CCDC102B: variants seen among roughly 807,000 people sequenced by gnomAD.
CCDC102B encodes coiled-coil domain-containing protein 102B.
CCDC102B carries 75 observed loss-of-function variants against 57.4 expected under a neutral mutation model. The observed-to-expected ratio is 1.31, with a 90% CI of 1.08 to 1.58. The LOEUF (loss-of-function observed/expected upper bound fraction) is 1.58, where lower values mean the gene tolerates loss of function less well. Among genes scored for constraint, CCDC102B ranks in the 40% most tolerant of loss-of-function variants. CCDC102B has a pLI of 0.00. For missense variants in CCDC102B, 636 were observed against 582.6 expected, an observed-to-expected ratio of 1.09 and a Z score of -0.94; for synonymous variants, 206 against 201.9, an observed-to-expected ratio of 1.02 and a Z score of -0.17.
At chr18:68,719,083 T>C (rs1169722373) in intron 2 of CCDC102B, among the ~76,000 whole-genome samples, 1 of 152,188 alleles carries the variant, frequency 6.6e-6, no homozygotes, top group Non-Finnish European at 1.5e-5. Context: ...GTCATTGTTA[T>C]TTGAAAAACA....
chr18:68,788,911 T>C (rs1272847438), intron 2 of CCDC102B, among the ~76,000 whole-genome samples: 1 of 152,210 alleles, frequency 6.6e-6, no homozygotes, highest in Non-Finnish European at 1.5e-5. Context: ...GTTGATGCAG[T>C]TTCTTCCTAC....
chr18:68,746,703 C>T (rs546032549), intron 2 of CCDC102B, among the ~76,000 whole-genome samples: 6 of 151,712 alleles, frequency 4.0e-5, no homozygotes, highest in Admixed American at 6.6e-5. Context: ...TTTCGTCCCA[C>T]GGATTCCATG....
At chr18:68,918,205 A>G (rs12957393) in intron 6 of CCDC102B, among the ~76,000 whole-genome samples, 44,794 of 152,128 alleles carry the variant, frequency 0.29, 7,416 homozygotes, top group Non-Finnish European at 0.37. Flanking sequence ...TCTCAACTTT[A>G]TCAAGGCAAA....
chr18:68,970,770 A>C (rs1164956920), intron 6 of CCDC102B, among the ~76,000 whole-genome samples: 2 of 152,054 alleles, frequency 1.3e-5, no homozygotes, highest in African/African-American at 4.8e-5. Context: ...CTAACCTGAA[A>C]TACTCCAAGA....
chr18:68,790,982 A>T (rs1183707612), intron 2 of CCDC102B, among the ~76,000 whole-genome samples: 1 of 152,248 alleles, frequency 6.6e-6, no homozygotes, highest in Admixed American at 6.5e-5. Flanking sequence ...TGTTGTCAGA[A>T]ATCAAAAGGA....
intron 3 of CCDC102B, among the ~76,000 whole-genome samples, chr18:68,841,012 A>G (rs560460331): frequency 3.9e-5 from 6 of 152,316 alleles, no homozygotes; most frequent in Admixed American, 2.6e-4. Context: ...TTTAAGAAAC[A>G]ATCCCACGGA....
chr18:68,733,216 T>C (rs1334068188), intron 2 of CCDC102B, among the ~76,000 whole-genome samples: 1 of 152,012 alleles, frequency 6.6e-6, no homozygotes, highest in Admixed American at 6.5e-5. Flanking sequence ...TCACACACAC[T>C]CTCTTTGTCG....
At chr18:68,852,936 A>G (rs924209241) in intron 4 of CCDC102B, among the ~76,000 whole-genome samples, 40 of 152,308 alleles carry the variant, frequency 2.6e-4, no homozygotes, top group Middle Eastern at 3.4e-3. Context: ...CTCTAACAGG[A>G]CTATGACAGA....
chr18:69,024,092 A>T (rs2051919563), intron 7 of CCDC102B, among the ~76,000 whole-genome samples: 1 of 152,094 alleles, frequency 6.6e-6, no homozygotes, highest in South Asian at 2.1e-4. Flanking sequence ...AAAAAAAAAT[A>T]ATAATGGGAA....
intron 2 of CCDC102B, among the ~76,000 whole-genome samples, chr18:68,735,226 AT>A (rs5825870): frequency 0.96 from 143,356 of 148,648 alleles, 69,254 homozygotes; most frequent in East Asian, 1. Context: ...TAATTTTTGT[AT>A]TTTTTTTTTT....
chr18:68,990,621 C>A (rs1281640022), intron 6 of CCDC102B, among the ~76,000 whole-genome samples: 2 of 151,930 alleles, frequency 1.3e-5, no homozygotes, highest in African/African-American at 2.4e-5. Flanking sequence ...CTTTTTATTC[C>A]CCATTATATT....
intron 6 of CCDC102B, among the ~76,000 whole-genome samples, chr18:68,917,780 CTA>C (rs1427134165): frequency 6.6e-6 from 1 of 152,070 alleles, no homozygotes; most frequent in Non-Finnish European, 1.5e-5. Flanking sequence ...CCAAGAATCG[CTA>C]TGTTTTGTTC....
intron 4 of CCDC102B, among the ~76,000 whole-genome samples, chr18:68,856,750 A>G (rs548077058): frequency 7.9e-5 from 12 of 152,160 alleles, no homozygotes; most frequent in South Asian, 4.1e-4. Context: ...TTTCAAATAT[A>G]TATCTTGAAG....
intron 7 of CCDC102B, among the ~76,000 whole-genome samples, chr18:69,012,885 A>G (rs1402256294): frequency 6.6e-6 from 1 of 152,202 alleles, no homozygotes; most frequent in Admixed American, 6.5e-5. Flanking sequence ...TCATTAAAAT[A>G]ATTTTAAAAA....
At chr18:68,912,876 A>C (rs1053885750) in intron 6 of CCDC102B, among the ~76,000 whole-genome samples, 1 of 152,216 alleles carries the variant, frequency 6.6e-6, no homozygotes, top group African/African-American at 2.4e-5. Context: ...CACATTTTTC[A>C]AAATTTAGCT....
At chr18:69,032,880 T>C (rs1424053986) in intron 7 of CCDC102B, among the ~76,000 whole-genome samples, 1 of 152,092 alleles carries the variant, frequency 6.6e-6, no homozygotes. Flanking sequence ...TTAATTTATT[T>C]AGCAGACAAG....
chr18:68,789,371 T>C lies in CCDC102B; in HGVS notation c.-66-33995T>C, dbSNP rs553055526. On this transcript the variant is annotated intron_variant, in intron 2 of 3. Coordinates refer to the CCDC102B transcript ENST00000578970. ...CTCTGTATTTCCTGAATCTGAACGT[T>C]GGCCTGCTTTGCTAGATTGGGGAAG... Among the ~76,000 whole-genome samples, 30 of 152,292 alleles carry C rather than the reference T, an allele frequency of 2.0e-4. No individual in the cohort carries two copies. The East Asian group carries it at 5.2e-3, about 26-fold the overall frequency.
chr18:69,047,470 A>G (rs2052596383), intron 7 of CCDC102B, among the ~76,000 whole-genome samples: 1 of 152,172 alleles, frequency 6.6e-6, no homozygotes, highest in Non-Finnish European at 1.5e-5. Context: ...ATTCCCTGTG[A>G]TAACCAGTAC....
chr18:68,910,126 C>T (rs2040787591), intron 6 of CCDC102B, among the ~76,000 whole-genome samples: 1 of 152,100 alleles, frequency 6.6e-6, no homozygotes, highest in South Asian at 2.1e-4. Flanking sequence ...AACACCGTGT[C>T]TACTAAAAAT....
Sources: gnomAD v4.1 joint callset for allele counts (sites outside exome capture counted in the v4.1 genomes callset) on GRCh38, gnomAD v4.1.1 for gene constraint, MANE v1.5 for transcripts, NCBI Gene and HGNC (gene_info 2026-07-23, HGNC 2026-07-21) for gene names.